ILRUN: variants seen among roughly 807,000 people sequenced by gnomAD.
ILRUN encodes the protein protein ILRUN.
A neutral mutation model predicts 33.8 loss-of-function variants in ILRUN; 3 were observed. The ratio of observed to expected loss-of-function variants is 0.09; its 90% CI spans 0.04 to 0.23. The LOEUF (loss-of-function observed/expected upper bound fraction) is 0.23, where lower values mean the gene tolerates loss of function less well. Ranked by LOEUF, ILRUN falls within the 10% of genes least tolerant of loss-of-function variation. The pLI, the probability that ILRUN is intolerant of heterozygous loss-of-function variation, is 1.00. For synonymous variants in ILRUN, 124 were observed against 138.9 expected (o/e 0.89, Z 0.75); for missense variants, 210 against 375.1 (o/e 0.56, Z 3.64).
chr6:34,690,336 G>C (rs1329645899), intron 1 of ILRUN, among the ~76,000 whole-genome samples: 1 of 151,966 alleles, frequency 6.6e-6, no homozygotes, highest in Non-Finnish European at 1.5e-5. Flanking sequence ...TGGCCCACAC[G>C]TGTAATCCCA....
intron 1 of ILRUN, among the ~76,000 whole-genome samples, chr6:34,693,052 T>A (rs1400188042): frequency 6.6e-6 from 1 of 152,014 alleles, no homozygotes. Context: ...CACTTCAGCC[T>A]GGGAGACAGA....
intron 2 of ILRUN, among the ~76,000 whole-genome samples, chr6:34,653,347 C>CA (rs985761721): frequency 6.6e-6 from 1 of 151,946 alleles, no homozygotes; most frequent in African/African-American, 2.4e-5. Context: ...TCTCCTGCCT[C>CA]AGCCTCCCAA....
chr6:34,650,799 A>C (rs1405392099), intron 2 of ILRUN, among the ~76,000 whole-genome samples: 3 of 152,166 alleles, frequency 2.0e-5, no homozygotes, highest in Admixed American at 1.3e-4. Flanking sequence ...CTTCTTCGGG[A>C]AAGCTATTGG....
At chr6:34,661,384 G>A (rs1249932350) in intron 1 of ILRUN, among the ~76,000 whole-genome samples, 1 of 152,084 alleles carries the variant, frequency 6.6e-6, no homozygotes, top group South Asian at 2.1e-4. Flanking sequence ...TAGGTGGTAG[G>A]CACAAGGCTA....
intron 3 of ILRUN, among the ~76,000 whole-genome samples, chr6:34,607,871 T>C (rs2087742024): frequency 6.6e-6 from 1 of 152,136 alleles, no homozygotes; most frequent in African/African-American, 2.4e-5. Context: ...GGCAAGAGGA[T>C]CACTTCAGAC....
chr6:34,615,819 C>T (rs1761878065), intron 3 of ILRUN, among the ~76,000 whole-genome samples: 1 of 152,144 alleles, frequency 6.6e-6, no homozygotes, highest in Non-Finnish European at 1.5e-5. Flanking sequence ...GAAACGCTCC[C>T]TTTCCCAGTA....
chr6:34,651,333 T>C (rs920401998), intron 2 of ILRUN, among the ~76,000 whole-genome samples: 5 of 152,046 alleles, frequency 3.3e-5, no homozygotes, highest in African/African-American at 1.2e-4. Flanking sequence ...TGTTTTAAAC[T>C]GAGGTTACAA....
intron 3 of ILRUN, chr6:34,617,407 T>C (rs550166210): frequency 1.6e-5 from 4 of 252,446 alleles, no homozygotes; most frequent in Middle Eastern, 1.5e-3. Flanking sequence ...GTGCATACCA[T>C]TGTGAAAAGA....
chr6:34,609,029 T>C (rs1456596321), intron 3 of ILRUN, among the ~76,000 whole-genome samples: 3 of 152,164 alleles, frequency 2.0e-5, no homozygotes, highest in East Asian at 3.8e-4. Flanking sequence ...TAAATAACTG[T>C]TGAAAGGTTG....
chr6:34,644,803 G>T (rs1259201557), intron 3 of ILRUN, among the ~76,000 whole-genome samples: 1 of 152,144 alleles, frequency 6.6e-6, no homozygotes, highest in African/African-American at 2.4e-5. Flanking sequence ...GACTCAGGCA[G>T]GGCCTTGAGG....
intron 3 of ILRUN, among the ~76,000 whole-genome samples, chr6:34,640,269 GCA>G (rs1762442931): frequency 6.6e-6 from 1 of 151,942 alleles, no homozygotes. Flanking sequence ...CATGCCGAAA[GCA>G]CGCCCACTGA....
At chr6:34,676,998 T>TAAA (rs3044899) in intron 1 of ILRUN, among the ~76,000 whole-genome samples, 1 of 131,226 alleles carries the variant, frequency 7.6e-6, no homozygotes, top group Non-Finnish European at 1.7e-5. Context: ...ATGTCACAAT[T>TAAA]AAAAAAAAAA....
At position 34,589,012 on chromosome 6, in the gene ILRUN, C is replaced by A. The variant is rs965183468; in HGVS notation, c.*1553G>T. ...TCTCCCTGCCTGTCTCACACCCTCA[C>A]CCACCACCCAGCTGGATGGGGGTGT... On this transcript the variant is annotated 3_prime_UTR_variant, in exon 5 of 5. Coordinates refer to ENST00000374023, the MANE Select transcript of ILRUN (RefSeq NM_024294.4). 2 of 152,800 alleles carry A rather than the reference C, an allele frequency of 1.3e-5. No individual in the cohort carries two copies. The highest frequency in any genetic ancestry group is 1.9e-4 in the East Asian group (1 of 5,206). 9.5% of individuals were successfully genotyped at this position (152,800 alleles called of 1,614,324 possible).
intron 1 of ILRUN, among the ~76,000 whole-genome samples, chr6:34,656,516 C>A (rs140624755): frequency 1.4e-4 from 22 of 152,298 alleles, no homozygotes; most frequent in Non-Finnish European, 3.1e-4. Context: ...TCTGGTCTTA[C>A]TCAAACCAGT....
intron 4 of ILRUN, among the ~76,000 whole-genome samples, chr6:34,590,834 G>A (rs1761280364): frequency 6.6e-6 from 1 of 152,176 alleles, no homozygotes; most frequent in Non-Finnish European, 1.5e-5. Context: ...AGAGGGGAGG[G>A]TAGAGATAAC....
intron 1 of ILRUN, among the ~76,000 whole-genome samples, chr6:34,665,424 G>A (rs1762973376): frequency 6.6e-6 from 1 of 151,964 alleles, no homozygotes; most frequent in African/African-American, 2.4e-5. Flanking sequence ...TCCACTGTGG[G>A]CGACAAGACG....
intron 3 of ILRUN, chr6:34,616,430 G>A (rs1398884988): frequency 7.1e-6 from 4 of 560,704 alleles, no homozygotes; most frequent in Middle Eastern, 4.8e-4. Flanking sequence ...TAGAAAAGCT[G>A]GGTGTGTACT....
At chr6:34,688,041 G>T (rs11751920) in intron 1 of ILRUN, among the ~76,000 whole-genome samples, 1 of 151,510 alleles carries the variant, frequency 6.6e-6, no homozygotes, top group Admixed American at 6.6e-5. Flanking sequence ...GTCTACCAAC[G>T]AATGAACAGA....
At chr6:34,662,509 G>A (rs1762910623) in intron 1 of ILRUN, among the ~76,000 whole-genome samples, 1 of 152,002 alleles carries the variant, frequency 6.6e-6, no homozygotes, top group Non-Finnish European at 1.5e-5. Flanking sequence ...ACTGACCAAT[G>A]AACAAATAAA....
Sources: gnomAD v4.1 joint callset for allele counts (sites outside exome capture counted in the v4.1 genomes callset) on GRCh38, gnomAD v4.1.1 for gene constraint, MANE v1.5 for transcripts, NCBI Gene and HGNC (gene_info 2026-07-23, HGNC 2026-07-21) for gene names.